INSL6: variants seen among roughly 807,000 people sequenced by gnomAD.
The protein encoded by INSL6 is insulin-like peptide INSL6.
In INSL6, 16 loss-of-function variants were observed where a neutral mutation model predicts 9.4. That is an observed-to-expected ratio of 1.70 (90% CI 1.15 to 2.59). INSL6 has a LOEUF of 2.59. INSL6 is among the 30% of genes most tolerant of loss of function. The pLI, the probability that INSL6 is intolerant of heterozygous loss-of-function variation, is 0.00. For missense variants in INSL6, 391 were observed against 257.3 expected, an observed-to-expected ratio of 1.52 and a Z score of -3.56; for synonymous variants, 154 against 96.9, an observed-to-expected ratio of 1.59 and a Z score of -3.46.
chr9:5,116,819 TC>T, the INSL6 span, among the ~76,000 whole-genome samples: 1 of 152,168 alleles, frequency 6.6e-6, no homozygotes, highest in Non-Finnish European at 1.5e-5. Flanking sequence ...CTTCAAGAGC[TC>T]ATAATTAGGA....
At chr9:5,086,148 GCTCGGGGAGCGGTCTCCACGCCGCCGGT>G in the INSL6 span, 4 of 363,378 alleles carry the variant, frequency 1.1e-5, no homozygotes, top group African/African-American at 8.8e-5. Flanking sequence ...GCCCCGCAAG[GCTCGGGGAGCGGTCTCCACGCCGCCGGT>G]CTCCAGCAAC....
chr9:5,152,721 A>C (rs892162419), intron 2 of INSL6, among the ~76,000 whole-genome samples: 1 of 152,218 alleles, frequency 6.6e-6, no homozygotes, highest in Non-Finnish European at 1.5e-5. Context: ...CAGTAAAGGC[A>C]AAAGGTGATG....
At chr9:5,151,984 A>C (rs1824722293) in intron 2 of INSL6, among the ~76,000 whole-genome samples, 2 of 152,198 alleles carry the variant, frequency 1.3e-5, no homozygotes, top group African/African-American at 4.8e-5. Context: ...AGAAAGCTGG[A>C]ATATTAGCAG....
chr9:5,122,561 T>C (rs745453848), downstream of INSL6, among the ~76,000 whole-genome samples: 6 of 152,122 alleles, frequency 3.9e-5, no homozygotes, highest in Non-Finnish European at 7.4e-5. Context: ...TTTAGTTATC[T>C]TTCTATGTCA....
At chr9:5,165,333 T>G (rs1825027364) in intron 1 of INSL6, among the ~76,000 whole-genome samples, 2 of 152,338 alleles carry the variant, frequency 1.3e-5, no homozygotes, top group South Asian at 4.1e-4. Context: ...ATAAATTTGT[T>G]TGATGTTTTG....
At chr9:5,021,130 T>G in the INSL6 span, among the ~76,000 whole-genome samples, 1 of 152,164 alleles carries the variant, frequency 6.6e-6, no homozygotes, top group Non-Finnish European at 1.5e-5. Context: ...TTGTGCAGGC[T>G]CTCTAGGCTT....
At chr9:5,123,481 T>G (rs1276516496), downstream of INSL6, among the ~76,000 whole-genome samples, 2 of 152,036 alleles carry the variant, frequency 1.3e-5, no homozygotes, top group Non-Finnish European at 2.9e-5. Flanking sequence ...AGACATAATT[T>G]CATTCGTTGT....
intron 2 of INSL6, among the ~76,000 whole-genome samples, chr9:5,153,239 T>C (rs918058040): frequency 3.3e-5 from 5 of 152,060 alleles, no homozygotes; most frequent in Non-Finnish European, 7.4e-5. Context: ...AGCCAAGTAG[T>C]CTGGCTCTGT....
the INSL6 span, chr9:5,041,007 C>A: frequency 3.1e-6 from 2 of 655,262 alleles, no homozygotes; most frequent in Non-Finnish European, 5.6e-6. Flanking sequence ...AGTTCCGGAC[C>A]CCGCAGCTGC....
chr9:5,112,873 C>A, the INSL6 span: 1 of 439,454 alleles, frequency 2.3e-6, no homozygotes, highest in South Asian at 7.3e-5. Context: ...GTGGGACGAG[C>A]CACCCGCCCT....
the INSL6 span, among the ~76,000 whole-genome samples, chr9:5,106,637 C>A: frequency 6.6e-6 from 1 of 152,196 alleles, no homozygotes; most frequent in African/African-American, 2.4e-5. Context: ...ATAGCAAAGA[C>A]TTGGAACCAA....
chr9:5,110,842 G>C, the INSL6 span: 20 of 460,956 alleles, frequency 4.3e-5, no homozygotes, highest in African/African-American at 1.2e-4. Context: ...CGGGGAAGGT[G>C]GGGGGGACGC....
the INSL6 span, among the ~76,000 whole-genome samples, chr9:5,093,449 G>T: frequency 6.6e-6 from 1 of 152,282 alleles, no homozygotes; most frequent in Non-Finnish European, 1.5e-5. Context: ...TGTCATGAGG[G>T]TTCAGCTGTC....
the INSL6 span, among the ~76,000 whole-genome samples, chr9:5,045,313 A>G: frequency 6.6e-6 from 1 of 152,200 alleles, no homozygotes; most frequent in Non-Finnish European, 1.5e-5. Flanking sequence ...CATTTCTGAG[A>G]GGAAGCCTAG....
downstream of INSL6, among the ~76,000 whole-genome samples, chr9:5,162,779 A>C (rs192698814): frequency 5.3e-5 from 8 of 152,362 alleles, no homozygotes; most frequent in Admixed American, 5.2e-4. Flanking sequence ...CTTTGTTCTA[A>C]GAATTAACAA....
At chr9:5,031,928 A>C in the INSL6 span, among the ~76,000 whole-genome samples, 5 of 152,234 alleles carry the variant, frequency 3.3e-5, no homozygotes, top group Admixed American at 3.3e-4. Flanking sequence ...CAGTGGGTGC[A>C]GCACACTGAG....
intron 1 of INSL6, among the ~76,000 whole-genome samples, chr9:5,166,031 A>G (rs972922854): frequency 6.6e-6 from 1 of 152,180 alleles, no homozygotes; most frequent in African/African-American, 2.4e-5. Flanking sequence ...ACATGAATCG[A>G]CCCAATCAGA....
chr9:5,127,426 G>A (rs1449492367), intron 3 of INSL6: 1 of 231,298 alleles, frequency 4.3e-6, no homozygotes, highest in Admixed American at 5.7e-5. Context: ...TCACATAAAG[G>A]GAACAAATGT....
the INSL6 span, among the ~76,000 whole-genome samples, chr9:5,036,175 T>G: frequency 6.6e-6 from 1 of 152,162 alleles, no homozygotes; most frequent in Non-Finnish European, 1.5e-5. Context: ...ACAAGGGATG[T>G]GAAGGACCTC....
Sources: gnomAD v4.1 joint callset for allele counts (sites outside exome capture counted in the v4.1 genomes callset) on GRCh38, gnomAD v4.1.1 for gene constraint, MANE v1.5 for transcripts, NCBI Gene and HGNC (gene_info 2026-07-23, HGNC 2026-07-21) for gene names.